The following MLLT10 variants were observed in gnomAD, a reference collection of about 807,000 sequenced individuals.
MLLT10 encodes the protein MLLT10 histone lysine methyltransferase DOT1L cofactor, also known as protein AF-10.
MLLT10 carries 30 observed loss-of-function variants against 129.1 expected under a neutral mutation model. The ratio of observed to expected loss-of-function variants is 0.23; its 90% CI spans 0.17 to 0.32. The LOEUF (loss-of-function observed/expected upper bound fraction) is 0.32, where lower values mean the gene tolerates loss of function less well. MLLT10 is among the 10% of genes least tolerant of loss of function. MLLT10 has a pLI of 1.00. For missense variants in MLLT10, 1,119 were observed against 1,268.3 expected, an observed-to-expected ratio of 0.88 and a Z score of 1.79; for synonymous variants, 490 against 446.4, an observed-to-expected ratio of 1.10 and a Z score of -1.23.
At chr10:21,621,798 C>T (rs2045889189) in intron 8 of MLLT10, among the ~76,000 whole-genome samples, 1 of 152,200 alleles carries the variant, frequency 6.6e-6, no homozygotes, top group Non-Finnish European at 1.5e-5. Context: ...CCTCTTCTGT[C>T]GTGACTCAGG....
intron 3 of MLLT10, among the ~76,000 whole-genome samples, chr10:21,554,005 T>C (rs2037503185): frequency 6.6e-6 from 1 of 152,216 alleles, no homozygotes; most frequent in African/African-American, 2.4e-5. Flanking sequence ...GATTTAGTAT[T>C]TTCTCTTTAA....
intron 8 of MLLT10, chr10:21,624,836 C>T: frequency 1.8e-6 from 2 of 1,092,952 alleles, no homozygotes; most frequent in Non-Finnish European, 2.7e-6. Flanking sequence ...CACGGCCTCT[C>T]TGCTGTTGTG....
intron 7 of MLLT10, among the ~76,000 whole-genome samples, chr10:21,615,475 GAA>G (rs796530703): frequency 9.6e-6 from 1 of 104,296 alleles, no homozygotes. Flanking sequence ...AAAAAAAAAA[GAA>G]AAAAAAAAAG....
At chr10:21,552,494 C>G (rs575309718) in intron 3 of MLLT10, among the ~76,000 whole-genome samples, 1 of 149,890 alleles carries the variant, frequency 6.7e-6, no homozygotes, top group Non-Finnish European at 1.5e-5. Context: ...TGGGTTCAAG[C>G]GATTCTCCTG....
rs940609157 is a variant in MLLT10 at position 21,536,583 on chromosome 10, C to T, written c.160+1779C>T. ...TATAGTGAGACACATTTTACAAATT[C>T]TGTTTTTTTGAGACAGGGTCTCACT... On this transcript the variant is annotated intron_variant, in intron 2 of 22. Coordinates refer to ENST00000307729, the MANE Select transcript of MLLT10 (RefSeq NM_001195626.3). 2.6e-5 allele frequency among the ~76,000 whole-genome samples: 4 copies of T among 152,204 alleles called. No individual in the cohort carries two copies. The South Asian group carries it at 8.3e-4, about 32-fold the overall frequency.
chr10:21,591,981 A>G (rs115326388), intron 4 of MLLT10, among the ~76,000 whole-genome samples: 4,998 of 152,290 alleles, frequency 0.033, 268 homozygotes, highest in African/African-American at 0.11. Context: ...TTGGCTATCT[A>G]AAGTGTTGGG....
At chr10:21,673,318 C>CCAA in intron 10 of MLLT10, 32 bp from the exon 11 acceptor site, 1 of 307,342 alleles carries the variant, frequency 3.3e-6, no homozygotes, top group South Asian at 7.0e-5. Context: ...CACCCCCCAA[C>CCAA]TTTTTTTTTT....
At chr10:21,626,802 C>T (rs2046495011) in intron 8 of MLLT10, among the ~76,000 whole-genome samples, 1 of 152,154 alleles carries the variant, frequency 6.6e-6, no homozygotes, top group African/African-American at 2.4e-5. Flanking sequence ...TTTTTGTGTA[C>T]TTTCCTTTTG....
chr10:21,573,796 C>A (rs2040459625), intron 3 of MLLT10, among the ~76,000 whole-genome samples: 1 of 152,030 alleles, frequency 6.6e-6, no homozygotes, highest in African/African-American at 2.4e-5. Context: ...CTCAAGTGAT[C>A]CTCCCGCCTT....
intron 14 of MLLT10, among the ~76,000 whole-genome samples, chr10:21,723,824 A>C (rs892560162): frequency 2.6e-5 from 4 of 152,210 alleles, no homozygotes; most frequent in Non-Finnish European, 5.9e-5. Context: ...CAGTAAGAGT[A>C]AATTGGCTCT....
intron 3 of MLLT10, among the ~76,000 whole-genome samples, chr10:21,560,582 C>T (rs1412481692): frequency 3.9e-5 from 6 of 151,944 alleles, no homozygotes; most frequent in Non-Finnish European, 8.8e-5. Flanking sequence ...ATCACAGGCA[C>T]GTACTACCAC....
At chr10:21,638,197 A>G (rs2047635831) in intron 8 of MLLT10, among the ~76,000 whole-genome samples, 1 of 129,648 alleles carries the variant, frequency 7.7e-6, no homozygotes, top group Non-Finnish European at 1.5e-5. Context: ...AGGACCAGAT[A>G]GTAAATATTT....
chr10:21,565,071 T>G (rs1215531406), intron 3 of MLLT10, among the ~76,000 whole-genome samples: 2 of 152,140 alleles, frequency 1.3e-5, no homozygotes, highest in Non-Finnish European at 2.9e-5. Flanking sequence ...GCATACACAT[T>G]TAGGAATGTT....
At chr10:21,583,231 A>G (rs1467693242) in intron 3 of MLLT10, among the ~76,000 whole-genome samples, 1 of 152,204 alleles carries the variant, frequency 6.6e-6, no homozygotes, top group African/African-American at 2.4e-5. Context: ...ACCTGAGGAC[A>G]GATACAAATA....
intron 13 of MLLT10, among the ~76,000 whole-genome samples, chr10:21,700,231 A>G (rs1445928168): frequency 1.3e-5 from 2 of 151,738 alleles, no homozygotes; most frequent in Non-Finnish European, 2.9e-5. Flanking sequence ...GTATCCTCCA[A>G]ATTTACTGAA....
chr10:21,607,354 C>CTTG (rs2044164444), intron 5 of MLLT10, among the ~76,000 whole-genome samples: 1 of 113,556 alleles, frequency 8.8e-6, no homozygotes, highest in Non-Finnish European at 1.7e-5. Flanking sequence ...GAGTTTTGCT[C>CTTG]TTGTTGCCCA....
At chr10:21,534,091 A>C, upstream of MLLT10, 1 of 230,472 alleles carries the variant, frequency 4.3e-6, no homozygotes, top group Non-Finnish European at 8.4e-6. Flanking sequence ...CACCCCCAGC[A>C]CACCTCGGCG....
chr10:21,536,559 A>G (rs1420406953), intron 2 of MLLT10, among the ~76,000 whole-genome samples: 2 of 152,188 alleles, frequency 1.3e-5, no homozygotes, highest in Admixed American at 1.3e-4. Context: ...TAGAGCATTT[A>G]TAGTGAGACA....
chr10:21,685,714 A>G (rs1156495370), intron 13 of MLLT10, among the ~76,000 whole-genome samples: 1 of 152,222 alleles, frequency 6.6e-6, no homozygotes, highest in Non-Finnish European at 1.5e-5. Flanking sequence ...TGTATGAAAC[A>G]ACTCTATTAC....
Sources: gnomAD v4.1 joint callset for allele counts (sites outside exome capture counted in the v4.1 genomes callset) on GRCh38, gnomAD v4.1.1 for gene constraint, MANE v1.5 for transcripts, NCBI Gene and HGNC (gene_info 2026-07-23, HGNC 2026-07-21) for gene names.